The following ZNF407 variants were observed in gnomAD, a reference collection of about 807,000 sequenced individuals.
ZNF407 encodes zinc finger protein 407.
A neutral mutation model predicts 131.2 loss-of-function variants in ZNF407; 17 were observed. The observed-to-expected ratio is 0.13, with a 90% CI of 0.09 to 0.19. The LOEUF (loss-of-function observed/expected upper bound fraction) is 0.19. ZNF407 is among the 10% of genes least tolerant of loss of function. The probability of loss-of-function intolerance (pLI) is 1.00; values close to 1 mark genes in which losing one functional copy is unlikely to be tolerated. For synonymous variants in ZNF407, 1,156 were observed against 1,062.0 expected, an observed-to-expected ratio of 1.09 and a Z score of -1.72; for missense variants, 2,681 against 2,830.6, an observed-to-expected ratio of 0.95 and a Z score of 1.20.
chr18:74,944,911 T>G (rs1444636143), intron 8 of ZNF407, among the ~76,000 whole-genome samples: 1 of 152,042 alleles, frequency 6.6e-6, no homozygotes, highest in African/African-American at 2.4e-5. Flanking sequence ...GGTTGCAGAC[T>G]GGGGATAGAA....
chr18:74,624,999 C>T (rs1434407442), intron 1 of ZNF407, among the ~76,000 whole-genome samples: 5 of 152,138 alleles, frequency 3.3e-5, no homozygotes, highest in African/African-American at 1.2e-4. Flanking sequence ...GTATTGAGGT[C>T]CTTGGTGTGT....
intron 8 of ZNF407, among the ~76,000 whole-genome samples, chr18:74,938,496 A>AT (rs527404751): frequency 2.4e-4 from 36 of 150,334 alleles, no homozygotes; most frequent in Middle Eastern, 3.4e-3. Context: ...GATCGTCTTA[A>AT]TTTTTTTTTT....
chr18:74,883,209 A>C (rs1397202997), intron 6 of ZNF407, among the ~76,000 whole-genome samples: 1 of 152,196 alleles, frequency 6.6e-6, no homozygotes, highest in African/African-American at 2.4e-5. Flanking sequence ...CTGTAGCACA[A>C]ATCAAACATG....
At chr18:74,783,805 A>C (rs1411843048) in intron 4 of ZNF407, among the ~76,000 whole-genome samples, 1 of 152,176 alleles carries the variant, frequency 6.6e-6, no homozygotes, top group Non-Finnish European at 1.5e-5. Context: ...AAGCAGCAAC[A>C]TTCTTCTAAA....
chr18:75,000,302 C>T (rs1375391384), intron 8 of ZNF407, among the ~76,000 whole-genome samples: 1 of 152,222 alleles, frequency 6.6e-6, no homozygotes, highest in Non-Finnish European at 1.5e-5. Flanking sequence ...TAACATGCTA[C>T]AGTCCTAGCA....
At chr18:74,954,759 C>T (rs1335164627) in intron 8 of ZNF407, among the ~76,000 whole-genome samples, 1 of 152,132 alleles carries the variant, frequency 6.6e-6, no homozygotes, top group Non-Finnish European at 1.5e-5. Context: ...TTGTCCAATC[C>T]AATGTCTAAC....
chr18:74,599,848 G>C (rs1982502777), intron 1 of ZNF407, among the ~76,000 whole-genome samples: 2 of 152,172 alleles, frequency 1.3e-5, no homozygotes, highest in Admixed American at 6.5e-5. Context: ...TCTATGAATA[G>C]GCGAATAAAT....
chr18:74,939,088 C>T (rs545253187), intron 8 of ZNF407, among the ~76,000 whole-genome samples: 1 of 152,288 alleles, frequency 6.6e-6, no homozygotes, highest in Admixed American at 6.5e-5. Flanking sequence ...ATCTTAAATT[C>T]TAAAGGCGGA....
At chr18:75,017,046 T>A (rs1599295552) in intron 8 of ZNF407, among the ~76,000 whole-genome samples, 1 of 152,106 alleles carries the variant, frequency 6.6e-6, no homozygotes, top group East Asian at 1.9e-4. Context: ...GCAGTGGGAA[T>A]CAATTCAGCC....
chr18:74,722,390 G>C (rs879545576), intron 3 of ZNF407, among the ~76,000 whole-genome samples: 2 of 152,092 alleles, frequency 1.3e-5, no homozygotes, highest in African/African-American at 2.4e-5. Context: ...TTCATTTATA[G>C]AATCTCCTTG....
At chr18:75,012,731 C>A (rs1972995064) in intron 8 of ZNF407, among the ~76,000 whole-genome samples, 1 of 150,858 alleles carries the variant, frequency 6.6e-6, no homozygotes. Flanking sequence ...TTAGGCAATT[C>A]CATTTTTTGT....
intron 4 of ZNF407, among the ~76,000 whole-genome samples, chr18:74,802,543 T>C (rs1450645478): frequency 6.6e-6 from 1 of 152,208 alleles, no homozygotes; most frequent in Admixed American, 6.5e-5. Flanking sequence ...ATCCAAATTT[T>C]ATGTAGCAGA....
At chr18:74,818,135 T>A (rs547133992) in intron 4 of ZNF407, among the ~76,000 whole-genome samples, 1 of 152,284 alleles carries the variant, frequency 6.6e-6, no homozygotes, top group South Asian at 2.1e-4. Context: ...ATACATCTGG[T>A]TTGTGTACTG....
intron 8 of ZNF407, among the ~76,000 whole-genome samples, chr18:74,948,303 C>T (rs1168964078): frequency 2.6e-5 from 4 of 152,108 alleles, no homozygotes; most frequent in African/African-American, 9.7e-5. Context: ...TTATTGTAAC[C>T]TGCTGCTCGT....
At chr18:75,034,117 T>C (rs1289566045) in intron 8 of ZNF407, among the ~76,000 whole-genome samples, 1 of 152,188 alleles carries the variant, frequency 6.6e-6, no homozygotes, top group African/African-American at 2.4e-5. Flanking sequence ...TACACACATA[T>C]CAGCGTTCTG....
intron 3 of ZNF407, among the ~76,000 whole-genome samples, chr18:74,719,385 G>GCTTACTTA (rs36159311): frequency 6.0e-5 from 9 of 150,772 alleles, no homozygotes; most frequent in African/African-American, 2.2e-4. Flanking sequence ...TTACTTGCTT[G>GCTTACTTA]CTTACTTACT....
At chr18:74,787,110 A>C (rs2145042022) in intron 4 of ZNF407, among the ~76,000 whole-genome samples, 1 of 152,182 alleles carries the variant, frequency 6.6e-6, no homozygotes, top group East Asian at 1.9e-4. Flanking sequence ...CCCAGCTGTA[A>C]AAGTAAGATT....
chr18:74,950,227 G>A (rs151243587), intron 8 of ZNF407, among the ~76,000 whole-genome samples: 2 of 152,294 alleles, frequency 1.3e-5, no homozygotes, highest in East Asian at 1.9e-4. Flanking sequence ...GCCTGCTGCC[G>A]ATCCAAACGC....
chr18:74,853,243 A>G (rs1182867426), intron 4 of ZNF407, among the ~76,000 whole-genome samples: 1 of 152,200 alleles, frequency 6.6e-6, no homozygotes, highest in Non-Finnish European at 1.5e-5. Context: ...AAATATTGTG[A>G]TTTCTGAGCA....
Sources: gnomAD v4.1 joint callset for allele counts (sites outside exome capture counted in the v4.1 genomes callset) on GRCh38, gnomAD v4.1.1 for gene constraint, MANE v1.5 for transcripts, NCBI Gene and HGNC (gene_info 2026-07-23, HGNC 2026-07-21) for gene names.